Variants in MCTP1 observed in about 807,000 individuals in gnomAD.
MCTP1 encodes the protein multiple C2 and transmembrane domain-containing protein 1.
MCTP1 carries 69 observed loss-of-function variants against 120.6 expected under a neutral mutation model. The ratio of observed to expected loss-of-function variants is 0.57; its 90% confidence interval spans 0.47 to 0.70. The LOEUF is 0.70. Among genes scored for constraint, MCTP1 ranks in the 30% least tolerant of loss-of-function variants. MCTP1 has a pLI of 0.00. For missense variants in MCTP1, 1,203 were observed against 1,248.8 expected (o/e 0.96, Z 0.55); for synonymous variants, 529 against 493.1 (o/e 1.07, Z -0.96).
intron 21 of MCTP1, chr5:94,710,512 A>G (rs1276879285): frequency 1.1e-5 from 3 of 268,952 alleles, no homozygotes; most frequent in Non-Finnish European, 1.4e-5. Flanking sequence ...CTCTGTTTGT[A>G]TATAAATGGT....
intron 1 of MCTP1, among the ~76,000 whole-genome samples, chr5:95,071,034 A>G (rs930092931): frequency 1.3e-5 from 2 of 152,154 alleles, no homozygotes; most frequent in African/African-American, 4.8e-5. Context: ...GCCAAGCCAA[A>G]TGGACTGGAA....
chr5:94,975,773 GTCT>G (rs1009518130), intron 2 of MCTP1, among the ~76,000 whole-genome samples: 2 of 151,954 alleles, frequency 1.3e-5, no homozygotes, highest in African/African-American at 4.8e-5. Flanking sequence ...ACCATGGCCA[GTCT>G]TCTTTTAGTA....
At chr5:95,014,825 G>C (rs566090446) in intron 2 of MCTP1, among the ~76,000 whole-genome samples, 14 of 152,214 alleles carry the variant, frequency 9.2e-5, no homozygotes, top group African/African-American at 3.4e-4. Flanking sequence ...AGCATCTCAT[G>C]CTACAGATAA....
At chr5:94,755,771 C>G (rs1341793732) in intron 19 of MCTP1, among the ~76,000 whole-genome samples, 1 of 152,188 alleles carries the variant, frequency 6.6e-6, no homozygotes, top group Non-Finnish European at 1.5e-5. Flanking sequence ...CCCTCTTCCT[C>G]TCATACTCAA....
At chr5:95,055,812 G>T (rs1477144828) in intron 1 of MCTP1, among the ~76,000 whole-genome samples, 1 of 152,032 alleles carries the variant, frequency 6.6e-6, no homozygotes, top group African/African-American at 2.4e-5. Context: ...ATATCTACTG[G>T]GCAGGGTTTT....
intron 1 of MCTP1, among the ~76,000 whole-genome samples, chr5:95,275,327 T>C (rs1759740254): frequency 6.6e-6 from 1 of 152,248 alleles, no homozygotes; most frequent in Non-Finnish European, 1.5e-5. Context: ...TTAAAGAATC[T>C]AGAAGCTCTG....
chr5:95,001,948 T>C (rs973611087), intron 2 of MCTP1, among the ~76,000 whole-genome samples: 28 of 152,060 alleles, frequency 1.8e-4, no homozygotes, highest in African/African-American at 6.8e-4. Flanking sequence ...CAAAAATTAT[T>C]TCATGGGCTG....
At chr5:95,016,198 G>A (rs1837074386) in intron 2 of MCTP1, among the ~76,000 whole-genome samples, 1 of 151,168 alleles carries the variant, frequency 6.6e-6, no homozygotes, top group African/African-American at 2.4e-5. Context: ...TTAATGTTTT[G>A]TAGAGACAAG....
At chr5:95,166,696 T>G (rs1385928031) in intron 1 of MCTP1, among the ~76,000 whole-genome samples, 1 of 151,318 alleles carries the variant, frequency 6.6e-6, no homozygotes, top group East Asian at 2.0e-4. Flanking sequence ...CCCTCCCGAG[T>G]AGCTGGGACC....
In MCTP1 at chr5:95,038,090, A is replaced by G. The variant is rs556328478; in HGVS notation, c.721-20606T>C. The G allele has an allele frequency of 3.6e-5, 35 of 983,074 alleles. No homozygotes were observed. The South Asian group carries it at 1.6e-3, about 46-fold the overall frequency. 60.9% of individuals were successfully genotyped at this position (983,074 alleles called of 1,614,324 possible). On this transcript the variant is annotated intron_variant, in intron 1 of 22. Transcript: ENST00000515393. Reference sequence around the variant, plus strand: ...TCACGTGTATTTTATCCTTTCAAACATTCGAACAATCTCATGGTCACAGGT... The same window carrying G: ...TCACGTGTATTTTATCCTTTCAAACGTTCGAACAATCTCATGGTCACAGGT...
At chr5:94,768,341 C>G (rs1361874859) in intron 19 of MCTP1, among the ~76,000 whole-genome samples, 1 of 152,166 alleles carries the variant, frequency 6.6e-6, no homozygotes, top group Non-Finnish European at 1.5e-5. Flanking sequence ...GGACATTGGT[C>G]TAGGCAAAGT....
chr5:94,802,358 T>C (rs549458437), intron 17 of MCTP1, among the ~76,000 whole-genome samples: 15 of 152,340 alleles, frequency 9.8e-5, no homozygotes, highest in African/African-American at 3.1e-4. Context: ...AAATATTAGA[T>C]GTTTGAAAGT....
chr5:94,972,061 T>C (rs960036118), intron 2 of MCTP1, among the ~76,000 whole-genome samples: 1 of 152,130 alleles, frequency 6.6e-6, no homozygotes, highest in African/African-American at 2.4e-5. Context: ...GCCTTCTGCG[T>C]GGTCTCTCTG....
At chr5:95,126,936 T>C (rs549147050) in intron 1 of MCTP1, among the ~76,000 whole-genome samples, 1 of 152,356 alleles carries the variant, frequency 6.6e-6, no homozygotes, top group East Asian at 1.9e-4. Context: ...AATTTTAAAA[T>C]AACCACATTT....
intron 1 of MCTP1, among the ~76,000 whole-genome samples, chr5:95,187,107 C>A (rs954173562): frequency 2.6e-5 from 4 of 152,126 alleles, no homozygotes; most frequent in African/African-American, 9.7e-5. Flanking sequence ...TGGGTATATA[C>A]CCAAAAGAAA....
At chr5:94,858,833 A>G (rs999241077) in intron 17 of MCTP1, among the ~76,000 whole-genome samples, 7 of 151,680 alleles carry the variant, frequency 4.6e-5, no homozygotes, top group African/African-American at 1.7e-4. Flanking sequence ...AGGAAGGTGC[A>G]CTATCCTGAA....
chr5:95,029,441 A>C (rs970936426), intron 1 of MCTP1, among the ~76,000 whole-genome samples: 2 of 152,192 alleles, frequency 1.3e-5, no homozygotes, highest in African/African-American at 4.8e-5. Context: ...ATTGGATGCT[A>C]GTTCTCCTCA....
intron 1 of MCTP1, among the ~76,000 whole-genome samples, chr5:95,091,973 C>T (rs1755881940): frequency 6.6e-6 from 1 of 152,142 alleles, no homozygotes. Flanking sequence ...TAGTTAAAGG[C>T]TTCAAGAAGC....
At chr5:94,933,594 T>G (rs1051472464) in intron 5 of MCTP1, among the ~76,000 whole-genome samples, 7 of 152,010 alleles carry the variant, frequency 4.6e-5, no homozygotes, top group Non-Finnish European at 7.4e-5. Context: ...AATCAAGAAC[T>G]ATTAAGATAC....
Sources: allele counts gnomAD v4.1 joint callset (sites outside exome capture counted in the v4.1 genomes callset), GRCh38; gene constraint gnomAD v4.1.1; transcripts MANE v1.5; gene names NCBI Gene and HGNC (gene_info 2026-07-23, HGNC 2026-07-21).